RASEF: variants seen among roughly 807,000 people sequenced by gnomAD.
RASEF encodes RAS and EF-hand domain containing.
A neutral mutation model predicts 90.1 loss-of-function variants in RASEF; 68 were observed. The ratio of observed to expected loss-of-function variants is 0.75; its 90% CI spans 0.62 to 0.92. The LOEUF (loss-of-function observed/expected upper bound fraction) is 0.92, where lower values mean the gene tolerates loss of function less well. RASEF is among the 40% of genes least tolerant of loss of function. The probability of loss-of-function intolerance (pLI) is 0.00; values close to 1 mark genes in which losing one functional copy is unlikely to be tolerated. For missense variants in RASEF, 949 were observed against 937.2 expected, an observed-to-expected ratio of 1.01 and a Z score of -0.16; for synonymous variants, 331 against 345.2, an observed-to-expected ratio of 0.96 and a Z score of 0.46.
intron 9 of RASEF, 42 bp downstream of exon 9, chr9:83,004,456 T>G: frequency 1.6e-6 from 2 of 1,215,194 alleles, no homozygotes; most frequent in Non-Finnish European, 2.4e-6. Context: ...CTTTTAACTG[T>G]GATTCTGAAC....
the RASEF span, among the ~76,000 whole-genome samples, chr9:83,097,223 G>T: frequency 6.6e-6 from 1 of 152,154 alleles, no homozygotes; most frequent in Non-Finnish European, 1.5e-5. Flanking sequence ...CTTCCACAAT[G>T]GTTGAACTAG....
Position 83,004,507 on chromosome 9 carries a change from C to T in RASEF, c.1193G>A (p.Gly398Asp), listed in dbSNP as rs1352232829. ...AGACGAGTTAACATACCTGTCATAG[C>T]CTAGAGGTTGAGGGGAATGACCAAT... ...KFIGHSPQPL[G>D]YDRSSRSSYV... The change falls in exon 9 of 17, where the codon GGC (glycine) becomes GAC (aspartate). Residue 398 changes from glycine to aspartate, a missense_variant. By Grantham distance (94) the Gly-to-Asp change is moderately conservative (BLOSUM62 -1). This residue lies in a region of RASEF where 656 missense variants were observed against 592.2 expected (regional missense o/e 1.11). Transcript: ENST00000376447. 2 of 1,592,216 alleles carry T rather than the reference C, an allele frequency of 1.3e-6. No homozygotes were observed. Among genetic ancestry groups the T allele is most frequent in the Non-Finnish European group, 1.7e-6 (2 of 1,160,302 alleles).
the RASEF span, among the ~76,000 whole-genome samples, chr9:83,099,547 A>G: frequency 1.3e-5 from 2 of 152,254 alleles, no homozygotes; most frequent in Admixed American, 6.5e-5. Flanking sequence ...CATTTTACAA[A>G]TAATTTGAGG....
intron 16 of RASEF, among the ~76,000 whole-genome samples, chr9:82,985,197 GA>G (rs1484251478): frequency 6.6e-6 from 1 of 152,132 alleles, no homozygotes; most frequent in Non-Finnish European, 1.5e-5. Flanking sequence ...AAGTGGGAAC[GA>G]AAAGAGGTTT....
At chr9:83,111,530 C>T in the RASEF span, among the ~76,000 whole-genome samples, 8,988 of 151,930 alleles carry the variant, frequency 0.059, 289 homozygotes, top group South Asian at 0.099. Flanking sequence ...AACTGTGAGG[C>T]GATGAACATG....
the RASEF span, among the ~76,000 whole-genome samples, chr9:83,152,517 T>C: frequency 6.6e-6 from 1 of 152,186 alleles, no homozygotes; most frequent in Non-Finnish European, 1.5e-5. Flanking sequence ...CCCAAGCCTC[T>C]GCTTAAGCCT....
At chr9:83,021,988 T>G (rs1829453730) in intron 3 of RASEF, among the ~76,000 whole-genome samples, 1 of 152,110 alleles carries the variant, frequency 6.6e-6, no homozygotes, top group Non-Finnish European at 1.5e-5. Context: ...ACCTTCTCTA[T>G]GAAGGCTGCC....
intron 16 of RASEF, among the ~76,000 whole-genome samples, chr9:82,989,270 G>C (rs963241574): frequency 6.6e-6 from 1 of 151,614 alleles, no homozygotes; most frequent in African/African-American, 2.4e-5. Context: ...ATAGATACAA[G>C]GTCTCACTAT....
chr9:83,172,409 T>A, the RASEF span, among the ~76,000 whole-genome samples: 6 of 151,790 alleles, frequency 4.0e-5, no homozygotes, highest in East Asian at 1.2e-3. Context: ...ACTACTGTCA[T>A]TTTGTTATTT....
the RASEF span, among the ~76,000 whole-genome samples, chr9:83,168,219 TC>T: frequency 1.3e-5 from 2 of 152,168 alleles, no homozygotes; most frequent in Admixed American, 1.3e-4. Flanking sequence ...AAATGGTATT[TC>T]ACTATGGTTT....
chr9:83,102,899 G>A, the RASEF span, among the ~76,000 whole-genome samples: 7 of 152,222 alleles, frequency 4.6e-5, no homozygotes, highest in Non-Finnish European at 8.8e-5. Flanking sequence ...TTGCAGCCGA[G>A]TCCTTTGCTG....
chr9:83,205,001 T>C, the RASEF span, among the ~76,000 whole-genome samples: 1 of 152,228 alleles, frequency 6.6e-6, no homozygotes, highest in Non-Finnish European at 1.5e-5. Flanking sequence ...CTCAAAGAGA[T>C]TAAGAAACTC....
chr9:83,215,831 A>C, the RASEF span, among the ~76,000 whole-genome samples: 3 of 152,188 alleles, frequency 2.0e-5, no homozygotes, highest in Non-Finnish European at 2.9e-5. Flanking sequence ...AGGGCTCAGA[A>C]GACAGGAAGA....
Position 83,062,750 on chromosome 9 carries a change from G to A in RASEF, c.118C>T (p.Leu40=). The change falls in exon 1 of 17, where the codon CTG becomes TTG. Residue 40 remains leucine, a synonymous_variant. Transcript: ENST00000376447. ...REEFRALCTE[L]RVRPADAEAV... ...TCGGCGTCGGCCGGCCGCACCCGCAGCTCCGTGCACAGTGCCCGGAACTCC... is the reference window on the plus strand; with the variant it reads ...TCGGCGTCGGCCGGCCGCACCCGCAACTCCGTGCACAGTGCCCGGAACTCC... The A allele has an allele frequency of 1.3e-6, 2 of 1,568,020 alleles. No homozygotes were observed. The highest frequency in any genetic ancestry group is 1.8e-5 in the Admixed American group (1 of 56,040).
At chr9:83,122,630 G>C in the RASEF span, among the ~76,000 whole-genome samples, 1 of 152,068 alleles carries the variant, frequency 6.6e-6, no homozygotes, top group Middle Eastern at 3.2e-3. Context: ...CCATTATGTA[G>C]CCATTAAAAA....
chr9:83,121,300 T>C, the RASEF span, among the ~76,000 whole-genome samples: 2 of 152,152 alleles, frequency 1.3e-5, no homozygotes, highest in African/African-American at 4.8e-5. Flanking sequence ...ATATATAATA[T>C]ATATCTAGAT....
chr9:83,052,427 TTCTC>T (rs1316156539), intron 1 of RASEF, among the ~76,000 whole-genome samples: 4 of 107,286 alleles, frequency 3.7e-5, no homozygotes, highest in Non-Finnish European at 7.1e-5. Context: ...TATTTGATTC[TTCTC>T]TCTTTTTTCT....
At position 83,004,541 on chromosome 9, in the gene RASEF, G is replaced by T. The variant is rs766675941; in HGVS notation, c.1159C>A (p.Pro387Thr). 2 of 1,602,700 alleles carry T rather than the reference G, an allele frequency of 1.2e-6. No individual in the cohort carries two copies. Among genetic ancestry groups the T allele is most frequent in the East Asian group, 2.2e-5 (1 of 44,746 alleles). The stretch of plus-strand genomic sequence containing the variant: ...TGAGGGGAATGACCAATGAATTTGG[G>T]ACTGCTTCTAGAAATTGTATTCCCT... ...SPGNTISRSS[P>T]KFIGHSPQPL... The change falls in exon 9 of 17, where the codon CCC becomes ACC. Residue 387 changes from proline to threonine, a missense_variant. Coordinates refer to ENST00000376447, the MANE Select transcript of RASEF (RefSeq NM_152573.4).
At chr9:82,993,069 A>G in intron 14 of RASEF, 44 bp from the exon 15 acceptor site, 1 of 1,596,202 alleles carries the variant, frequency 6.3e-7, no homozygotes, top group Non-Finnish European at 8.5e-7. Flanking sequence ...CAAACACTGG[A>G]CACATTACGA....
Sources: allele counts gnomAD v4.1 joint callset (sites outside exome capture counted in the v4.1 genomes callset), GRCh38; gene constraint gnomAD v4.1.1; regional missense constraint gnomAD v4.1.1; transcripts MANE v1.5; gene names NCBI Gene and HGNC (gene_info 2026-07-23, HGNC 2026-07-21).